The following YTHDC2 variants were observed in gnomAD, a reference collection of about 807,000 sequenced individuals.
YTHDC2 encodes 3'-5' RNA helicase YTHDC2.
Under a neutral mutation model 174.9 loss-of-function variants are expected in YTHDC2, and 45 were observed. The observed-to-expected ratio is 0.26, with a 90% confidence interval of 0.20 to 0.33. The LOEUF (loss-of-function observed/expected upper bound fraction) is 0.33, where lower values mean the gene tolerates loss of function less well. YTHDC2 is among the 10% of genes least tolerant of loss of function. The pLI, the probability that YTHDC2 is intolerant of heterozygous loss-of-function variation, is 1.00. For missense variants in YTHDC2, 1,650 were observed against 1,723.7 expected, an observed-to-expected ratio of 0.96 and a Z score of 0.76; for synonymous variants, 657 against 574.5, an observed-to-expected ratio of 1.14 and a Z score of -2.05.
intron 23 of YTHDC2, among the ~76,000 whole-genome samples, chr5:113,579,008 G>T (rs1215175224): frequency 1.3e-5 from 2 of 151,846 alleles, no homozygotes; most frequent in Non-Finnish European, 2.9e-5. Flanking sequence ...TTTGTAGATA[G>T]ATTTTTGCTT....
rs1307010299 is a variant in YTHDC2 at position 113,545,809 on chromosome 5, C to T, written c.1496-2732C>T. ...AGGCTGGAGTGCAGTGGCGGGATCT[C>T]GGCTCACTGCAAGCTCCGCCTCCCG... On this transcript the variant is annotated intron_variant, in intron 10 of 29. Coordinates refer to ENST00000161863, the MANE Select transcript of YTHDC2 (RefSeq NM_022828.5). Among the ~76,000 whole-genome samples the T allele has an allele frequency of 4.4e-5, 2 of 45,208 alleles. 1 individual carries two copies. Among genetic ancestry groups the T allele is most frequent in the Non-Finnish European group, 7.0e-5 (2 of 28,746 alleles). The allele number at this position is 45,208 out of a possible 152,430, so 29.7% of individuals were successfully genotyped here.
chr5:113,567,480 G>A (rs1352250378), intron 22 of YTHDC2, among the ~76,000 whole-genome samples, 174 bp from the exon 23 acceptor site: 2 of 149,878 alleles, frequency 1.3e-5, no homozygotes, highest in African/African-American at 2.5e-5. Flanking sequence ...AAGGTAACAT[G>A]TTAAGTAATG....
Position 113,550,523 on chromosome 5 carries a change from A to T in YTHDC2, c.1688+1503A>T, listed in dbSNP as rs368280533. ...TGAATGAAGATTTAACAAAAATTGT[A>T]GGAACTGGTGTGGGTGGAAAGTGTA... On this transcript the variant is annotated intron_variant, in intron 12 of 29. Transcript: ENST00000161863. Among the ~76,000 whole-genome samples, 5 of 152,196 alleles carry T rather than the reference A, an allele frequency of 3.3e-5. No individual in the cohort carries two copies. In the South Asian group the frequency reaches 1.0e-3, roughly 31 times the overall value.
intron 21 of YTHDC2, among the ~76,000 whole-genome samples, chr5:113,566,344 ATACT>A (rs1463053367): frequency 6.6e-6 from 1 of 152,016 alleles, no homozygotes; most frequent in East Asian, 1.9e-4. Context: ...CCATTAATGA[ATACT>A]TATTTAGTTC....
chr5:113,589,988 C>G (rs1317634266), intron 26 of YTHDC2, among the ~76,000 whole-genome samples: 1 of 152,040 alleles, frequency 6.6e-6, no homozygotes, highest in East Asian at 1.9e-4. Flanking sequence ...ATTTTATATT[C>G]CATATGCACA....
chr5:113,529,447 A>G (rs1774504292), intron 4 of YTHDC2, among the ~76,000 whole-genome samples: 1 of 152,212 alleles, frequency 6.6e-6, no homozygotes. Context: ...TTTGATAGCT[A>G]GATTCACTGG....
chr5:113,534,486 C>T, intron 6 of YTHDC2, 79 bp downstream of exon 6: 17 of 1,283,276 alleles, frequency 1.3e-5, no homozygotes, highest in South Asian at 4.0e-5. Context: ...AGGATAGTCT[C>T]AAAAAATTTA....
chr5:113,537,467 C>G (rs532136132), intron 7 of YTHDC2, among the ~76,000 whole-genome samples: 9 of 151,070 alleles, frequency 6.0e-5, no homozygotes, highest in Non-Finnish European at 1.2e-4. Flanking sequence ...TTCTCAGTCT[C>G]CCCTGTGGGC....
intron 17 of YTHDC2, chr5:113,556,460 A>G (rs1776617568): frequency 5.7e-6 from 1 of 175,386 alleles, no homozygotes; most frequent in African/African-American, 2.4e-5. Context: ...AAATCAACTA[A>G]AGGCCAATAA....
chr5:113,566,003 T>G lies in YTHDC2; in HGVS notation c.2826T>G (p.Gly942=), dbSNP rs1777305470. ...IIIGMRTQLL[G]QLRASGFVRA... ...TAGGCATGAGAACACAGTTGCTTGGTCAACTTAGAGCATCAGGTAAAGTTT... is the reference window on the plus strand; with the variant it reads ...TAGGCATGAGAACACAGTTGCTTGGGCAACTTAGAGCATCAGGTAAAGTTT... Residue 942 remains glycine, a synonymous_variant, in exon 21 of 30, where the codon GGT becomes GGG. Coordinates refer to ENST00000161863, the MANE Select transcript of YTHDC2 (RefSeq NM_022828.5). The G allele has an allele frequency of 6.2e-7, 1 of 1,609,650 alleles. No homozygotes were observed.
At chr5:113,580,016 G>A in intron 24 of YTHDC2, 1 of 850,794 alleles carries the variant, frequency 1.2e-6, no homozygotes, top group Non-Finnish European at 1.4e-6. Flanking sequence ...TCAAGGTGCT[G>A]ACGTCGGTTG....
intron 23 of YTHDC2, among the ~76,000 whole-genome samples, chr5:113,573,079 C>A (rs2112760011): frequency 6.6e-6 from 1 of 152,186 alleles, no homozygotes; most frequent in East Asian, 1.9e-4. Context: ...TTGTGTACTT[C>A]CGTGTGTTTT....
Position 113,578,392 on chromosome 5 carries a change from G to GTTTTGT in YTHDC2, c.3245-1190_3245-1189insGTTTTT, listed in dbSNP as rs1554101844. On this transcript the variant is annotated intron_variant, in intron 23 of 29. Transcript: ENST00000161863. Reference sequence around the variant, plus strand: ...GTTTTGTTTTGTTTTGTTTTGTTTTGTTTTTTTGTGTATGTGTTAAAAATT... The same window carrying GTTTTGT: ...GTTTTGTTTTGTTTTGTTTTGTTTTGTTTTGTTTTTTTTGTGTATGTGTTAAAAATT... Among the ~76,000 whole-genome samples, 71 of 148,092 alleles carry GTTTTGT rather than the reference G, an allele frequency of 4.8e-4. 1 individual carries two copies. The highest frequency in any genetic ancestry group is 3.3e-4 in the Non-Finnish European group (22 of 66,928).
chr5:113,588,844 C>T (rs1195732811), intron 26 of YTHDC2, among the ~76,000 whole-genome samples: 1 of 151,718 alleles, frequency 6.6e-6, no homozygotes, highest in Non-Finnish European at 1.5e-5. Flanking sequence ...AGGCTGGTCT[C>T]GAACTCCTGA....
intron 1 of YTHDC2, among the ~76,000 whole-genome samples, 184 bp from the exon 2 acceptor site, chr5:113,515,088 A>G (rs1005103818): frequency 1.1e-4 from 17 of 152,142 alleles, no homozygotes; most frequent in Non-Finnish European, 1.0e-4. Context: ...TAGTTATTGA[A>G]TTAATAAAAT....
Position 113,556,099 on chromosome 5 carries a change from G to T in YTHDC2, c.2181G>T (p.Trp727Cys). ...LNFVTMLKMV[W>C]ISKASAIQRK... ...TTGTTACAATGTTAAAAATGGTATG[G>T]ATTTCCAAAGCTAGTGCCATACAGC... The change falls in exon 17 of 30, where the codon TGG (tryptophan) becomes TGT (cysteine). Residue 727 changes from tryptophan (W) to cysteine (C), a missense_variant. Around this residue, in one of 5 missense-constraint regions of YTHDC2, gnomAD observed 913 missense variants for 940.4 expected, o/e 0.97. Transcript: ENST00000161863. The T allele has an allele frequency of 6.2e-7, 1 of 1,609,812 alleles. No homozygotes were observed. The highest frequency in any genetic ancestry group is 1.1e-5 in the South Asian group (1 of 90,580).
At position 113,567,664 on chromosome 5, in the gene YTHDC2, C is replaced by T. The variant is rs1417246973; in HGVS notation, c.3059C>T (p.Ala1020Val). Reference protein sequence around the residue: ...SQPQYKKIPPANGQAAAIKAL... With the variant: ...SQPQYKKIPPVNGQAAAIKAL... ...TTATTTTCTTAATAGATTCCTCCAG[C>T]CAATGGTCAAGCTGCAGCAATTAAG... The change falls in exon 23 of 30, where the codon GCC becomes GTC. Residue 1020 changes from alanine (A) to valine (V), a missense_variant. This residue lies in a region of YTHDC2 where 913 missense variants were observed against 940.4 expected (regional missense o/e 0.97). Transcript: ENST00000161863. 1 of 1,595,898 alleles carries T rather than the reference C, an allele frequency of 6.3e-7. No homozygotes were observed. The highest frequency in any genetic ancestry group is 1.3e-5 in the African/African-American group (1 of 74,086).
chr5:113,573,257 G>T (rs917894601), intron 23 of YTHDC2, among the ~76,000 whole-genome samples: 1 of 152,140 alleles, frequency 6.6e-6, no homozygotes, highest in African/African-American at 2.4e-5. Context: ...GAAATTCTGG[G>T]TTGGAAATTC....
intron 4 of YTHDC2, among the ~76,000 whole-genome samples, chr5:113,529,388 A>G (rs2972258): frequency 0.018 from 2,816 of 152,258 alleles, 42 homozygotes; most frequent in Non-Finnish European, 0.026. Context: ...CAATAGGATA[A>G]ATTTCCTAGA....
Sources: gnomAD v4.1 joint callset for allele counts (sites outside exome capture counted in the v4.1 genomes callset) on GRCh38, gnomAD v4.1.1 for gene constraint, gnomAD v4.1.1 regional missense constraint, MANE v1.5 for transcripts, NCBI Gene and HGNC (gene_info 2026-07-23, HGNC 2026-07-21) for gene names.